Variants in RANBP2 observed in about 807,000 individuals in gnomAD.
RANBP2 encodes the protein E3 SUMO-protein ligase RanBP2.
A neutral mutation model predicts 303.6 loss-of-function variants in RANBP2; 57 were observed. The ratio of observed to expected loss-of-function variants is 0.19; its 90% CI spans 0.15 to 0.23. RANBP2 has a LOEUF of 0.23. RANBP2 is among the 10% of genes least tolerant of loss of function. The pLI, the probability that RANBP2 is intolerant of heterozygous loss-of-function variation, is 1.00. For synonymous variants in RANBP2, 1,167 were observed against 1,301.5 expected (o/e 0.90, Z 2.23); for missense variants, 3,138 against 3,780.8 (o/e 0.83, Z 4.46).
At chr2:109,615,467 C>G in the RANBP2 span, 44 of 1,613,416 alleles carry the variant, frequency 2.7e-5, no homozygotes, top group African/African-American at 4.8e-4. Context: ...ACTTCGCCAA[C>G]AAACACCAGC....
chr2:109,761,493 G>A, the RANBP2 span, among the ~76,000 whole-genome samples: 4 of 148,252 alleles, frequency 2.7e-5, no homozygotes, highest in Non-Finnish European at 4.5e-5. Context: ...CTCGCAGCCC[G>A]GGGGGCACTC....
the RANBP2 span, among the ~76,000 whole-genome samples, chr2:109,226,846 G>A: frequency 1.2e-4 from 19 of 152,338 alleles, no homozygotes; most frequent in South Asian, 2.5e-3. Flanking sequence ...CCCTACAGCT[G>A]CAGGAGAGAA....
the RANBP2 span, among the ~76,000 whole-genome samples, chr2:108,891,191 G>A: frequency 6.6e-6 from 1 of 152,036 alleles, no homozygotes; most frequent in Non-Finnish European, 1.5e-5. Context: ...AAGATCTATT[G>A]CTTGAGAATT....
At chr2:108,975,782 G>A in the RANBP2 span, among the ~76,000 whole-genome samples, 5 of 152,138 alleles carry the variant, frequency 3.3e-5, no homozygotes, top group African/African-American at 7.2e-5. Context: ...GCCAGGCTCC[G>A]TGCGGCATCA....
At chr2:109,729,239 G>A in the RANBP2 span, among the ~76,000 whole-genome samples, 2 of 152,150 alleles carry the variant, frequency 1.3e-5, no homozygotes, top group African/African-American at 4.8e-5. Context: ...TTGTAGATGG[G>A]TTGAAAACAT....
the RANBP2 span, among the ~76,000 whole-genome samples, chr2:109,742,963 T>C: frequency 6.7e-6 from 1 of 148,262 alleles, no homozygotes; most frequent in Non-Finnish European, 1.5e-5. Flanking sequence ...GCTGAAATGA[T>C]TGGACATCTA....
chr2:108,936,035 G>A, the RANBP2 span, among the ~76,000 whole-genome samples: 3 of 152,216 alleles, frequency 2.0e-5, no homozygotes, highest in Non-Finnish European at 4.4e-5. Flanking sequence ...CTCCCTACTG[G>A]TCACCACCTT....
At chr2:109,553,173 G>A in the RANBP2 span, 7 of 1,613,912 alleles carry the variant, frequency 4.3e-6, no homozygotes, top group South Asian at 1.1e-5. Flanking sequence ...TTCCTCTGAC[G>A]TTCACCATGG....
At chr2:109,169,786 T>C in the RANBP2 span, among the ~76,000 whole-genome samples, 1 of 151,194 alleles carries the variant, frequency 6.6e-6, no homozygotes, top group African/African-American at 2.4e-5. Flanking sequence ...CCCCCCAAAA[T>C]CAAATAGGCT....
At chr2:109,347,494 A>G in the RANBP2 span, among the ~76,000 whole-genome samples, 4 of 152,060 alleles carry the variant, frequency 2.6e-5, no homozygotes, top group Non-Finnish European at 4.4e-5. Flanking sequence ...GTGGCGCCTC[A>G]GAATGTGCAT....
the RANBP2 span, among the ~76,000 whole-genome samples, chr2:108,843,844 T>TTGTGTGTGTGTGTGTG: frequency 3.5e-3 from 79 of 22,812 alleles, no homozygotes; most frequent in African/African-American, 4.7e-3. Context: ...AGTTCATGTT[T>TTGTGTGTGTGTGTGTG]TGTGTGTGTG....
At chr2:109,081,635 C>T in the RANBP2 span, among the ~76,000 whole-genome samples, 3 of 152,288 alleles carry the variant, frequency 2.0e-5, no homozygotes, top group Middle Eastern at 3.4e-3. Flanking sequence ...ACCTCTGAAC[C>T]TCTCCTGCAA....
the RANBP2 span, among the ~76,000 whole-genome samples, chr2:109,382,851 G>A: frequency 6.6e-6 from 1 of 152,180 alleles, no homozygotes; most frequent in East Asian, 1.9e-4. Flanking sequence ...TTGGCTGTTG[G>A]ATTATGAACC....
the RANBP2 span, among the ~76,000 whole-genome samples, chr2:109,078,077 AATAT>A: frequency 2.8e-3 from 134 of 47,400 alleles, 1 homozygote; most frequent in African/African-American, 0.015. Flanking sequence ...TTGACAGATG[AATAT>A]ATATATATAT....
chr2:109,274,388 T>C, the RANBP2 span, among the ~76,000 whole-genome samples: 1 of 152,184 alleles, frequency 6.6e-6, no homozygotes. Context: ...AGCCCAAGTG[T>C]CTATCAGTGG....
chr2:108,766,113 A>C lies in RANBP2; in HGVS notation c.5574A>C (p.Gly1858=). ...CTAAGTTTGGCAATACAGAGCAAGG[A>C]TTCAAATTTGGGCATGTGGATCAAG... ...KASKFGNTEQ[G]FKFGHVDQEN... Residue 1858 remains glycine (G), a synonymous_variant, in exon 20 of 29, where the codon GGA becomes GGC. Transcript: ENST00000283195. 6.2e-7 allele frequency: 1 copy of C among 1,614,076 alleles called. No individual in the cohort carries two copies. Among genetic ancestry groups the C allele is most frequent in the Non-Finnish European group, 8.5e-7 (1 of 1,180,008 alleles).
the RANBP2 span, among the ~76,000 whole-genome samples, chr2:109,179,003 A>G: frequency 0.12 from 16,811 of 142,156 alleles, 1,300 homozygotes; most frequent in East Asian, 0.3. Context: ...AAGTATAATA[A>G]TGTGTGTGTG....
the RANBP2 span, among the ~76,000 whole-genome samples, chr2:108,861,408 A>G: frequency 6.6e-6 from 1 of 150,758 alleles, no homozygotes; most frequent in Non-Finnish European, 1.5e-5. Flanking sequence ...TAGGTGTGAC[A>G]TTAGGTTGTT....
At chr2:108,751,499 C>G in intron 10 of RANBP2, 29 bp from the exon 11 acceptor site, 1 of 1,611,558 alleles carries the variant, frequency 6.2e-7, no homozygotes, top group Non-Finnish European at 8.5e-7. Context: ...AATTTTTTTT[C>G]TAACTTAACT....
Sources: allele counts gnomAD v4.1 joint callset (sites outside exome capture counted in the v4.1 genomes callset), GRCh38; gene constraint gnomAD v4.1.1; transcripts MANE v1.5; gene names NCBI Gene and HGNC (gene_info 2026-07-23, HGNC 2026-07-21).